Variants in NPC1 observed in about 807,000 individuals in gnomAD.
The protein encoded by NPC1 is Niemann-Pick C1 protein.
In NPC1, 85 loss-of-function variants were observed where a neutral mutation model predicts 140.4. That is an observed-to-expected ratio of 0.61 (90% CI 0.51 to 0.72). NPC1 has a LOEUF of 0.72. NPC1 is among the 30% of genes least tolerant of loss of function. The pLI, the probability that NPC1 is intolerant of heterozygous loss-of-function variation, is 0.00. For synonymous variants in NPC1, 656 were observed against 624.8 expected, an observed-to-expected ratio of 1.05 and a Z score of -0.74; for missense variants, 1,504 against 1,623.8, an observed-to-expected ratio of 0.93 and a Z score of 1.27.
intron 11 of NPC1, among the ~76,000 whole-genome samples, chr18:23,547,013 T>A (rs1237151948): frequency 6.6e-6 from 1 of 152,188 alleles, no homozygotes; most frequent in Admixed American, 6.5e-5. Context: ...TTTAGAGACA[T>A]GCAAACATTG....
At chr18:23,520,867 C>T (rs2058125263), downstream of NPC1, among the ~76,000 whole-genome samples, 1 of 152,190 alleles carries the variant, frequency 6.6e-6, no homozygotes, top group African/African-American at 2.4e-5. Flanking sequence ...AGGCGTGCAC[C>T]ACCACGCCCA....
In NPC1 at chr18:23,554,779, G is replaced by C; in HGVS notation, c.1532C>G (p.Thr511Arg). 1 of 1,613,870 alleles carries C rather than the reference G, an allele frequency of 6.2e-7. No homozygotes were observed. The highest frequency in any genetic ancestry group is 8.5e-7 in the Non-Finnish European group (1 of 1,179,756). Residue 511 changes from threonine to arginine, a missense_variant, in exon 9 of 25, where the codon ACG (threonine) becomes AGG (arginine). Coordinates refer to ENST00000269228, the MANE Select transcript of NPC1 (RefSeq NM_000271.5). ...DDFFVYADYH[T>R]HFLYCVRAPA... ...TTACCGTACGCAGTACAGAAAGTGC[G>C]TGTGGTAATCGGCATACACAAAGAA... is the stretch of plus-strand genomic sequence containing the variant.
intron 11 of NPC1, among the ~76,000 whole-genome samples, chr18:23,545,422 T>C (rs1185123619): frequency 6.6e-6 from 1 of 152,160 alleles, no homozygotes; most frequent in Non-Finnish European, 1.5e-5. Context: ...TTGGTATTTT[T>C]AGTAGAGACA....
intron 14 of NPC1, 64 bp from the exon 15 acceptor site, chr18:23,541,497 A>G (rs1425961957): frequency 8.1e-6 from 13 of 1,608,508 alleles, no homozygotes; most frequent in Non-Finnish European, 1.1e-5. Context: ...TGCAGGTCTT[A>G]TGTTCATGTG....
chr18:23,517,943 C>T (rs896560498), downstream of NPC1, among the ~76,000 whole-genome samples: 5 of 152,152 alleles, frequency 3.3e-5, no homozygotes, highest in Non-Finnish European at 7.3e-5. Context: ...GTCTTGAACT[C>T]CTGGGCTCGG....
At position 23,545,120 on chromosome 18, in the gene NPC1, T is replaced by G. The variant is rs1408968002; in HGVS notation, c.1787A>C (p.Asn596Thr). ...AGTGAAGGAAATGGTCAGATTGGGA[T>G]TCTTGTAGTTTTTCACAAAATTAAT... Reference protein sequence around the residue: ...EFINFVKNYKNPNLTISFTAE... With the variant: ...EFINFVKNYKTPNLTISFTAE... Residue 596 changes from asparagine to threonine, a missense_variant, in exon 12 of 25, where the codon AAT becomes ACT. Transcript: ENST00000269228. 1.2e-6 allele frequency: 2 copies of G among 1,613,408 alleles called. No individual in the cohort carries two copies. Among genetic ancestry groups the G allele is most frequent in the East Asian group, 4.5e-5 (2 of 44,878 alleles).
At chr18:23,535,096 A>G (rs6507716) in intron 22 of NPC1, among the ~76,000 whole-genome samples, 76,840 of 151,908 alleles carry the variant, frequency 0.51, 19,673 homozygotes, top group East Asian at 0.63. Flanking sequence ...GGCTTGTGCA[A>G]TCTCTAAAGA....
intron 4 of NPC1, among the ~76,000 whole-genome samples, chr18:23,565,753 G>C (rs370636617): frequency 3.3e-5 from 5 of 152,292 alleles, no homozygotes; most frequent in South Asian, 4.1e-4. Flanking sequence ...ATTGTCCATT[G>C]CAAGTGTACA....
downstream of NPC1, chr18:23,524,606 A>C (rs2058239125): frequency 4.1e-6 from 4 of 965,688 alleles, no homozygotes; most frequent in Admixed American, 6.9e-5. Context: ...AAGCGTGGGA[A>C]TGGGATTTTT....
chr18:23,575,943 G>A (rs939896771), intron 1 of NPC1, among the ~76,000 whole-genome samples: 1 of 151,830 alleles, frequency 6.6e-6, no homozygotes, highest in Admixed American at 6.6e-5. Flanking sequence ...ACAACAACAG[G>A]CCGGGCACGG....
At chr18:23,524,512 C>T (rs1472741923), downstream of NPC1, 2 of 1,609,472 alleles carry the variant, frequency 1.2e-6, no homozygotes, top group Non-Finnish European at 1.7e-6. Context: ...TGTCGTGTTA[C>T]AACATGGTGC....
intron 5 of NPC1, 50 bp downstream of exon 5, chr18:23,561,310 G>C: frequency 2.5e-6 from 4 of 1,600,330 alleles, no homozygotes; most frequent in Non-Finnish European, 3.4e-6. Context: ...CAGTTCCTTG[G>C]CTTTAAAACA....
chr18:23,573,412 C>A, intron 2 of NPC1, 40 bp downstream of exon 2: 2 of 1,613,588 alleles, frequency 1.2e-6, no homozygotes, highest in South Asian at 2.2e-5. Context: ...ATCTTGTGAT[C>A]AGCATTTTGT....
intron 3 of NPC1, chr18:23,506,931 T>G: frequency 7.3e-7 from 1 of 1,366,550 alleles, no homozygotes; most frequent in East Asian, 2.3e-5. Flanking sequence ...TAGCTAGAAT[T>G]CGGTTATTTA....
chr18:23,535,688 G>A lies in NPC1; in HGVS notation c.3258C>T (p.Val1086=), dbSNP rs2058619279. Residue 1086 remains valine, a synonymous_variant, in exon 22 of 25, where the codon GTC becomes GTT. Transcript: ENST00000269228. The part of the protein sequence containing the change: ...YRVFPYSVFY[V]FYEQYLTIID... ...TGATGGTCAGGTACTGTTCGTAGAAGACATAAAACACACTGGAGGGGAGAG... is the reference window on the plus strand; with the variant it reads ...TGATGGTCAGGTACTGTTCGTAGAAAACATAAAACACACTGGAGGGGAGAG... 1 of 1,612,764 alleles carries A rather than the reference G, an allele frequency of 6.2e-7. No individual in the cohort carries two copies. The highest frequency in any genetic ancestry group is 1.3e-5 in the African/African-American group (1 of 74,880).
chr18:23,541,023 C>G (rs1449052768), intron 16 of NPC1, 45 bp downstream of exon 16: 1 of 1,606,422 alleles, frequency 6.2e-7, no homozygotes, highest in Non-Finnish European at 8.5e-7. Context: ...ATGTGATAAT[C>G]TGTTTCAGTG....
chr18:23,559,900 G>A (rs1360031305), intron 6 of NPC1, among the ~76,000 whole-genome samples: 4 of 152,102 alleles, frequency 2.6e-5, no homozygotes, highest in Non-Finnish European at 2.9e-5. Context: ...GGAGGTTGCA[G>A]TGAGCTGAGA....
At chr18:23,514,719 C>G (rs76383891) in intron 3 of NPC1, among the ~76,000 whole-genome samples, 1 of 152,298 alleles carries the variant, frequency 6.6e-6, no homozygotes, top group East Asian at 1.9e-4. Flanking sequence ...GTCTGTCTTT[C>G]TGTTCTCTGC....
chr18:23,567,800 G>C (rs1032757761), intron 4 of NPC1, among the ~76,000 whole-genome samples: 2 of 152,208 alleles, frequency 1.3e-5, no homozygotes, highest in African/African-American at 4.8e-5. Flanking sequence ...ATGGTTGTAA[G>C]TGGTGGAGTA....
Sources: gnomAD v4.1 joint callset for allele counts (sites outside exome capture counted in the v4.1 genomes callset) on GRCh38, gnomAD v4.1.1 for gene constraint, MANE v1.5 for transcripts, NCBI Gene and HGNC (gene_info 2026-07-23, HGNC 2026-07-21) for gene names.